The following LRP1B variants were observed in gnomAD, a reference collection of about 807,000 sequenced individuals.
The protein encoded by LRP1B is low-density lipoprotein receptor-related protein 1B.
In LRP1B, 217 loss-of-function variants were observed where a neutral mutation model predicts 556.6. The observed-to-expected ratio is 0.39, with a 90% CI of 0.35 to 0.44. The LOEUF (loss-of-function observed/expected upper bound fraction) is 0.44, where lower values mean the gene tolerates loss of function less well. Ranked by LOEUF, LRP1B falls within the 20% of genes least tolerant of loss-of-function variation. The probability of loss-of-function intolerance (pLI) is 1.00; values close to 1 mark genes in which losing one functional copy is unlikely to be tolerated. For synonymous variants in LRP1B, 2,047 were observed against 1,865.8 expected (o/e 1.10, Z -2.50); for missense variants, 5,053 against 5,620.8 (o/e 0.90, Z 3.23).
At chr2:140,301,027 CTA>C (rs901642954) in intron 83 of LRP1B, among the ~76,000 whole-genome samples, 2 of 151,920 alleles carry the variant, frequency 1.3e-5, no homozygotes, top group Non-Finnish European at 2.9e-5. Context: ...TGTTTTATCT[CTA>C]TTATTTATTT....
chr2:141,895,970 A>AGTATTTTTAC (rs1699440794), intron 1 of LRP1B, among the ~76,000 whole-genome samples: 1 of 151,944 alleles, frequency 6.6e-6, no homozygotes, highest in Non-Finnish European at 1.5e-5. Context: ...AAAATATTTA[A>AGTATTTTTAC]GTATTTTGGA....
intron 25 of LRP1B, among the ~76,000 whole-genome samples, chr2:140,875,918 A>C (rs1054685664): frequency 1.1e-4 from 16 of 152,152 alleles, no homozygotes; most frequent in Admixed American, 3.9e-4. Flanking sequence ...CAGAGGTAAC[A>C]AATTTCCTTG....
At chr2:140,401,175 G>T (rs890648565) in intron 66 of LRP1B, among the ~76,000 whole-genome samples, 3 of 152,164 alleles carry the variant, frequency 2.0e-5, no homozygotes, top group African/African-American at 7.2e-5. Flanking sequence ...AGGCATGAGT[G>T]CAGGAGCTGG....
At chr2:142,130,529 C>T (rs1367667483) in intron 1 of LRP1B, 119 bp downstream of exon 1, 4 of 836,532 alleles carry the variant, frequency 4.8e-6, no homozygotes, top group Admixed American at 2.8e-5. Context: ...ACGGTGGTCA[C>T]CCGGTCCCGG....
intron 1 of LRP1B, among the ~76,000 whole-genome samples, chr2:141,996,710 CTTT>C (rs1364210943): frequency 1.1e-5 from 1 of 87,928 alleles, no homozygotes; most frequent in Non-Finnish European, 2.2e-5. Flanking sequence ...TAAATTTTTT[CTTT>C]CCCCCCCCCT....
chr2:141,215,873 ATAAAAGTT>A (rs1385292275), intron 6 of LRP1B, among the ~76,000 whole-genome samples: 1 of 152,238 alleles, frequency 6.6e-6, no homozygotes, highest in African/African-American at 2.4e-5. Flanking sequence ...GAAGCAGAGT[ATAAAAGTT>A]TGGAAAGTTT....
chr2:142,127,751 A>G (rs1330667570), intron 1 of LRP1B, among the ~76,000 whole-genome samples: 1 of 152,058 alleles, frequency 6.6e-6, no homozygotes, highest in Non-Finnish European at 1.5e-5. Flanking sequence ...ATACATTAAA[A>G]TGACTATAAC....
intron 7 of LRP1B, among the ~76,000 whole-genome samples, chr2:141,162,661 G>C (rs1348704292): frequency 1.3e-5 from 2 of 151,982 alleles, no homozygotes; most frequent in Non-Finnish European, 2.9e-5. Flanking sequence ...AATAACTAAA[G>C]AGACTTCAGT....
intron 43 of LRP1B, among the ~76,000 whole-genome samples, chr2:140,555,346 G>T (rs915464769): frequency 1.3e-5 from 2 of 151,940 alleles, no homozygotes; most frequent in Non-Finnish European, 2.9e-5. Flanking sequence ...ACAAGGAAAG[G>T]CCAATTTAAT....
At chr2:141,846,371 T>A (rs781564930) in intron 1 of LRP1B, among the ~76,000 whole-genome samples, 2 of 151,060 alleles carry the variant, frequency 1.3e-5, no homozygotes, top group African/African-American at 2.4e-5. Flanking sequence ...CATGAAAGAC[T>A]TTGAAATGGC....
intron 2 of LRP1B, among the ~76,000 whole-genome samples, chr2:141,745,539 G>A (rs979819111): frequency 1.4e-4 from 21 of 151,754 alleles, no homozygotes; most frequent in African/African-American, 5.1e-4. Flanking sequence ...GTCAGTTTGT[G>A]GTGAATGCTG....
chr2:140,774,884 AC>A (rs1573700672), intron 33 of LRP1B, among the ~76,000 whole-genome samples: 1 of 152,228 alleles, frequency 6.6e-6, no homozygotes, highest in East Asian at 1.9e-4. Flanking sequence ...CAAACAGATA[AC>A]CATTTGGGTA....
At chr2:140,482,521 A>G (rs1357899713) in intron 59 of LRP1B, among the ~76,000 whole-genome samples, 1 of 152,156 alleles carries the variant, frequency 6.6e-6, no homozygotes, top group African/African-American at 2.4e-5. Flanking sequence ...AATAAATTAG[A>G]ATACTCATTT....
chr2:141,581,453 G>A (rs1488650354), intron 2 of LRP1B, among the ~76,000 whole-genome samples: 1 of 151,970 alleles, frequency 6.6e-6, no homozygotes, highest in Non-Finnish European at 1.5e-5. Context: ...TGGGAGGATG[G>A]GAGGGTAAAA....
intron 2 of LRP1B, among the ~76,000 whole-genome samples, chr2:141,718,185 A>T (rs1177452841): frequency 6.6e-6 from 1 of 152,190 alleles, no homozygotes; most frequent in Non-Finnish European, 1.5e-5. Context: ...AAGCAGAAAC[A>T]TGCTCCATTG....
intron 2 of LRP1B, among the ~76,000 whole-genome samples, chr2:141,550,211 G>A (rs916888454): frequency 6.6e-6 from 1 of 152,066 alleles, no homozygotes; most frequent in Non-Finnish European, 1.5e-5. Context: ...TTGGCTTACC[G>A]ATGTTTTACA....
rs145257999 is a variant in LRP1B at position 141,325,737 on chromosome 2, G to A, written c.344-71096C>T. ...CTGGAGAAGCCTTCATGGAGGAAGC[G>A]GAATTGAGTTGGCCTTTAAGGATTA... is the stretch of plus-strand genomic sequence containing the variant. On this transcript the variant is annotated intron_variant, in intron 3 of 90. Coordinates refer to ENST00000389484, the MANE Select transcript of LRP1B (RefSeq NM_018557.3). 5.9e-5 allele frequency among the ~76,000 whole-genome samples: 9 copies of A among 152,172 alleles called. No homozygotes were observed. The East Asian group carries it at 7.7e-4, about 13-fold the overall frequency.
At chr2:141,851,074 A>T (rs1452886539) in intron 1 of LRP1B, among the ~76,000 whole-genome samples, 3 of 151,128 alleles carry the variant, frequency 2.0e-5, no homozygotes, top group African/African-American at 7.3e-5. Flanking sequence ...ATGAATTTCG[A>T]TTAACTGGGT....
At chr2:141,708,960 T>A (rs1692253430) in intron 2 of LRP1B, among the ~76,000 whole-genome samples, 1 of 152,158 alleles carries the variant, frequency 6.6e-6, no homozygotes, top group African/African-American at 2.4e-5. Context: ...TAAATTTCTG[T>A]TGCTTGGTAC....
Sources: gnomAD v4.1 joint callset for allele counts (sites outside exome capture counted in the v4.1 genomes callset) on GRCh38, gnomAD v4.1.1 for gene constraint, MANE v1.5 for transcripts, NCBI Gene and HGNC (gene_info 2026-07-23, HGNC 2026-07-21) for gene names.